Variants in BEND5 observed in about 807,000 individuals in gnomAD.
BEND5 encodes the protein BEN domain-containing protein 5.
A neutral mutation model predicts 43.9 loss-of-function variants in BEND5; 22 were observed. The ratio of observed to expected loss-of-function variants is 0.50; its 90% confidence interval spans 0.36 to 0.72. The LOEUF is 0.72. Among genes scored for constraint, BEND5 ranks in the 30% least tolerant of loss-of-function variants. BEND5 has a pLI of 0.00. For missense variants in BEND5, 428 were observed against 550.6 expected (o/e 0.78, Z 2.23); for synonymous variants, 228 against 225.9 (o/e 1.01, Z -0.08).
chr1:48,731,703 G>T (rs941953844), intron 5 of BEND5, among the ~76,000 whole-genome samples: 6 of 152,180 alleles, frequency 3.9e-5, no homozygotes, highest in African/African-American at 1.4e-4. Context: ...AGGGAACAAG[G>T]CTTGTTCACG....
At chr1:48,771,782 G>A (rs2148695161) in intron 1 of BEND5, among the ~76,000 whole-genome samples, 1 of 152,238 alleles carries the variant, frequency 6.6e-6, no homozygotes, top group African/African-American at 2.4e-5. Context: ...GATCTATTTG[G>A]ACTAACAATG....
intron 3 of BEND5, among the ~76,000 whole-genome samples, chr1:48,746,967 C>A (rs1650868279): frequency 6.6e-6 from 1 of 152,130 alleles, no homozygotes; most frequent in African/African-American, 2.4e-5. Flanking sequence ...CAGGGAGGGC[C>A]CCTAGTGCTT....
At chr1:48,776,538 C>T (rs922897495) in intron 1 of BEND5, 68 bp downstream of exon 1, 3 of 1,130,626 alleles carry the variant, frequency 2.7e-6, no homozygotes, top group African/African-American at 1.7e-5. Context: ...TCCGCCCGGG[C>T]CCCCGGCCCC....
At chr1:48,773,139 G>C (rs1644916967) in intron 1 of BEND5, among the ~76,000 whole-genome samples, 1 of 151,958 alleles carries the variant, frequency 6.6e-6, no homozygotes, top group Admixed American at 6.6e-5. Flanking sequence ...GGAGACATCT[G>C]AAACAAAAAA....
chr1:48,758,770 TA>T, intron 3 of BEND5, 129 bp downstream of exon 3: 1 of 773,450 alleles, frequency 1.3e-6, no homozygotes, highest in Non-Finnish European at 1.9e-6. Context: ...AGGTAACTGG[TA>T]AGCCAAGAGT....
rs535820282 is a variant in BEND5 at position 48,764,555 on chromosome 1, G to A, written c.227-3085C>T. ...AGTTATAAGCAGGAGGGAGAGGTGA[G>A]AAGGCAAGAAAAGGTGGTTGGAACT... On this transcript the variant is annotated intron_variant, in intron 1 of 5. Coordinates refer to ENST00000371833, the MANE Select transcript of BEND5 (RefSeq NM_024603.4). Among the ~76,000 whole-genome samples, 5 of 152,256 alleles carry A rather than the reference G, an allele frequency of 3.3e-5. No homozygotes were observed. In the South Asian group the frequency reaches 1.0e-3, roughly 32 times the overall value.
At chr1:48,761,203 T>G in intron 2 of BEND5, 134 bp downstream of exon 2, 1 of 1,013,334 alleles carries the variant, frequency 9.9e-7, no homozygotes, top group Non-Finnish European at 1.4e-6. Context: ...ACGCTTTCAC[T>G]ACCCTGAAAA....
chr1:48,763,828 T>G (rs1007204572), intron 1 of BEND5, among the ~76,000 whole-genome samples: 3 of 152,192 alleles, frequency 2.0e-5, no homozygotes, highest in African/African-American at 7.2e-5. Context: ...GTGAAGTCTG[T>G]GCATCCATCC....
At chr1:48,748,792 C>T (rs530380582) in intron 3 of BEND5, among the ~76,000 whole-genome samples, 11 of 151,968 alleles carry the variant, frequency 7.2e-5, no homozygotes, top group Admixed American at 2.0e-4. Context: ...TTGATGGATG[C>T]GCGACATCTT....
intron 1 of BEND5, among the ~76,000 whole-genome samples, chr1:48,765,749 G>A (rs1161159757): frequency 6.6e-6 from 1 of 152,156 alleles, no homozygotes; most frequent in Non-Finnish European, 1.5e-5. Flanking sequence ...AAGAAATGAT[G>A]TACTGACTCA....
intron 1 of BEND5, among the ~76,000 whole-genome samples, chr1:48,761,864 G>C (rs1482474249): frequency 2.0e-5 from 3 of 152,190 alleles, no homozygotes. Flanking sequence ...TCTAAGCCAA[G>C]TGTCTTCCCA....
intron 1 of BEND5, among the ~76,000 whole-genome samples, chr1:48,773,260 T>C (rs1351499479): frequency 6.6e-6 from 1 of 151,622 alleles, no homozygotes; most frequent in Non-Finnish European, 1.5e-5. Flanking sequence ...AAAAAAAAAA[T>C]AAAATTCAAC....
rs556056099 is a variant in BEND5, at chr1:48,735,134, G to T, written c.1108+1105C>A. Among the ~76,000 whole-genome samples the T allele has an allele frequency of 2.6e-5, 4 of 152,324 alleles. No homozygotes were observed. The South Asian group carries it at 8.3e-4, about 32-fold the overall frequency. On this transcript the variant is annotated intron_variant, in intron 5 of 5. Transcript: ENST00000371833. ...ATACATAAAAGTGTTTTTTAAAAGA[G>T]AACCATTTAACAAAAACCCCTAAAT...
At chr1:48,761,611 G>A in intron 1 of BEND5, 141 bp from the exon 2 acceptor site, 1 of 846,356 alleles carries the variant, frequency 1.2e-6, no homozygotes, top group Non-Finnish European at 1.8e-6. Context: ...CTCAAGGCTG[G>A]TTCCCTCTTG....
chr1:48,776,537 GC>G, intron 1 of BEND5, 68 bp downstream of exon 1: 12 of 1,163,966 alleles, frequency 1.0e-5, no homozygotes, highest in East Asian at 3.2e-5. Context: ...CTCCGCCCGG[GC>G]CCCCGGCCCC....
At position 48,736,235 on chromosome 1, in the gene BEND5, C is replaced by G. The variant is rs1282420783; in HGVS notation, c.1108+4G>C. The G allele has an allele frequency of 6.2e-7, 1 of 1,613,212 alleles. No homozygotes were observed. Among genetic ancestry groups the G allele is most frequent in the African/African-American group, 1.3e-5 (1 of 74,904 alleles). On this transcript the variant is annotated splice_donor_region_variant and intron_variant, in intron 5 of 5. Coordinates refer to ENST00000371833, the MANE Select transcript of BEND5 (RefSeq NM_024603.4). This position sits in a 1 kb window ranked among gnomAD's most constrained non-coding sequence, Gnocchi z 4.0. ...AGCCATTGTGTTTCCACTCAGTGAC[C>G]TACCTCTGACGATGCTTAGTTTGTG...
intron 3 of BEND5, among the ~76,000 whole-genome samples, chr1:48,751,188 A>G (rs1014720658): frequency 1.3e-5 from 2 of 152,180 alleles, no homozygotes; most frequent in Non-Finnish European, 2.9e-5. Context: ...GAATTGTCCA[A>G]TTGGTATCTT....
At position 48,776,855 on chromosome 1, in the gene BEND5, G is replaced by A. The variant is rs945860168; in HGVS notation, c.-24C>T. The A allele has an allele frequency of 1.3e-4, 186 of 1,479,458 alleles. No homozygotes were observed. The highest frequency in any genetic ancestry group is 4.5e-4 in the Middle Eastern group (2 of 4,484). The allele number at this position is 1,479,458 out of a possible 1,614,324, so 91.6% of individuals were successfully genotyped here. A position where few individuals can be genotyped will look rare whatever the true frequency, so the allele number is the denominator to read the frequency against. On this transcript the variant is annotated 5_prime_UTR_variant, in exon 1 of 6. Coordinates refer to ENST00000371833, the MANE Select transcript of BEND5 (RefSeq NM_024603.4). ...ATGGTGGGCGCCGGGGGCGGGCCCC[G>A]GTCGGGCAGCTCAGCCCGCGGGGCG...
At chr1:48,775,199 G>A (rs964478046) in intron 1 of BEND5, among the ~76,000 whole-genome samples, 4 of 152,134 alleles carry the variant, frequency 2.6e-5, no homozygotes, top group African/African-American at 9.7e-5. Flanking sequence ...CCTACACTTC[G>A]GTGTGCCAGG....
Sources: gnomAD v4.1 joint callset for allele counts (sites outside exome capture counted in the v4.1 genomes callset) on GRCh38, gnomAD v4.1.1 for gene constraint, Gnocchi (gnomAD v3.1) non-coding constraint, MANE v1.5 for transcripts, NCBI Gene and HGNC (gene_info 2026-07-23, HGNC 2026-07-21) for gene names.